Variants in METTL15 observed in about 807,000 individuals in gnomAD.
METTL15 encodes 12S rRNA N(4)-cytidine methyltransferase METTL15.
Under a neutral mutation model 38.3 loss-of-function variants are expected in METTL15, and 34 were observed. That is an observed-to-expected ratio of 0.89 (90% CI 0.68 to 1.18). The LOEUF is 1.18. Ranked by LOEUF, METTL15 falls within the 50% of genes most tolerant of loss-of-function variation. METTL15 has a pLI of 0.00. For missense variants in METTL15, 438 were observed against 498.4 expected, an observed-to-expected ratio of 0.88 and a Z score of 1.15; for synonymous variants, 162 against 170.9, an observed-to-expected ratio of 0.95 and a Z score of 0.41.
chr11:28,194,344 G>C (rs759271039), intron 3 of METTL15, among the ~76,000 whole-genome samples: 1 of 151,388 alleles, frequency 6.6e-6, no homozygotes, highest in East Asian at 1.9e-4. Flanking sequence ...GATTACAGGC[G>C]TCTGCCACCA....
intron 5 of METTL15, among the ~76,000 whole-genome samples, chr11:28,402,013 G>A (rs971712804): frequency 1.3e-5 from 2 of 151,940 alleles, no homozygotes; most frequent in African/African-American, 4.8e-5. Flanking sequence ...CAGTTCATGT[G>A]CATGAAGCCT....
chr11:28,482,431 G>A (rs547405095), intron 6 of METTL15, among the ~76,000 whole-genome samples: 3 of 152,254 alleles, frequency 2.0e-5, no homozygotes, highest in Middle Eastern at 3.4e-3. Flanking sequence ...TTCCTTGTAG[G>A]GTTCTTCTGA....
At chr11:28,401,380 AT>A (rs1009342651) in intron 5 of METTL15, among the ~76,000 whole-genome samples, 1 of 151,866 alleles carries the variant, frequency 6.6e-6, no homozygotes. Context: ...ATTACTCAGA[AT>A]TTGTTTCATC....
chr11:28,156,138 A>G (rs1300814757), intron 3 of METTL15, among the ~76,000 whole-genome samples: 2 of 152,282 alleles, frequency 1.3e-5, no homozygotes, highest in African/African-American at 2.4e-5. Flanking sequence ...AGCCTAAAAT[A>G]TACCCCAGGA....
downstream of METTL15, among the ~76,000 whole-genome samples, chr11:28,335,974 C>G (rs149438045): frequency 1.8e-3 from 274 of 152,302 alleles, no homozygotes; most frequent in African/African-American, 4.5e-3. Flanking sequence ...TAAACACTCA[C>G]TGAGTACATA....
chr11:28,152,971 C>T (rs1850143701), intron 3 of METTL15, among the ~76,000 whole-genome samples: 1 of 151,996 alleles, frequency 6.6e-6, no homozygotes, highest in African/African-American at 2.4e-5. Flanking sequence ...CATGACGTTG[C>T]CATGGCATTT....
chr11:28,218,394 T>C (rs1853011425), intron 4 of METTL15, among the ~76,000 whole-genome samples: 1 of 152,222 alleles, frequency 6.6e-6, no homozygotes, highest in Non-Finnish European at 1.5e-5. Context: ...CTTGTGATTT[T>C]TGTACATTGA....
At chr11:28,530,079 C>T (rs1037896102), downstream of METTL15, among the ~76,000 whole-genome samples, 8 of 152,086 alleles carry the variant, frequency 5.3e-5, 1 homozygote, top group African/African-American at 1.7e-4. Flanking sequence ...AGGCCAATAA[C>T]TCTACTTCTT....
intron 4 of METTL15, among the ~76,000 whole-genome samples, chr11:28,262,166 T>C (rs2133941848): frequency 6.6e-6 from 1 of 152,226 alleles, no homozygotes; most frequent in African/African-American, 2.4e-5. Context: ...CTTGACTGTT[T>C]ACTATATTGT....
chr11:28,298,952 CA>C (rs1856827277), intron 6 of METTL15, among the ~76,000 whole-genome samples: 1 of 152,044 alleles, frequency 6.6e-6, no homozygotes. Context: ...AGGAGCTAAT[CA>C]GATACAACCT....
intron 6 of METTL15, among the ~76,000 whole-genome samples, chr11:28,478,557 T>A (rs1851366921): frequency 6.6e-6 from 1 of 152,166 alleles, no homozygotes; most frequent in Non-Finnish European, 1.5e-5. Context: ...TATCTCCAAC[T>A]TTTTTATGTC....
At chr11:28,458,787 A>C (rs559442253) in intron 6 of METTL15, among the ~76,000 whole-genome samples, 16 of 152,364 alleles carry the variant, frequency 1.1e-4, no homozygotes, top group African/African-American at 3.6e-4. Context: ...GGCTACATAA[A>C]TATATTTCTC....
intron 4 of METTL15, among the ~76,000 whole-genome samples, chr11:28,275,701 TAAC>T (rs1047941549): frequency 6.6e-6 from 1 of 151,056 alleles, no homozygotes; most frequent in Non-Finnish European, 1.5e-5. Context: ...CAAAAATCCT[TAAC>T]AAAATACTAG....
chr11:28,397,613 A>C (rs551844598), intron 5 of METTL15, among the ~76,000 whole-genome samples: 8 of 152,028 alleles, frequency 5.3e-5, no homozygotes, highest in Non-Finnish European at 1.2e-4. Flanking sequence ...GGATGTGGAG[A>C]AATAGGAACA....
chr11:28,326,877 C>T (rs1438343132), intron 6 of METTL15, among the ~76,000 whole-genome samples: 1 of 152,110 alleles, frequency 6.6e-6, no homozygotes, highest in East Asian at 1.9e-4. Context: ...GCCTTAGCCT[C>T]CCAAAGTGCT....
At chr11:28,430,342 G>A (rs868737757) in intron 6 of METTL15, among the ~76,000 whole-genome samples, 21 of 54,526 alleles carry the variant, frequency 3.9e-4, no homozygotes, top group African/African-American at 5.0e-4. Context: ...TCAGCCCCCC[G>A]CCCGGCCAGC....
At chr11:28,435,409 T>C (rs1336699596) in intron 6 of METTL15, among the ~76,000 whole-genome samples, 1 of 152,196 alleles carries the variant, frequency 6.6e-6, no homozygotes, top group African/African-American at 2.4e-5. Flanking sequence ...CTGAACTCTT[T>C]CTGGGCAGAT....
At chr11:28,209,759 A>G (rs930717659) in intron 3 of METTL15, among the ~76,000 whole-genome samples, 6 of 151,974 alleles carry the variant, frequency 3.9e-5, no homozygotes, top group Non-Finnish European at 2.9e-5. Context: ...TTGCATGCCC[A>G]ATTTCTGACC....
intron 4 of METTL15, among the ~76,000 whole-genome samples, chr11:28,241,656 A>G (rs1179496844): frequency 6.6e-6 from 1 of 152,168 alleles, no homozygotes; most frequent in Non-Finnish European, 1.5e-5. Context: ...AATAAGACAT[A>G]TTGAGAAAGA....
Sources: gnomAD v4.1 joint callset for allele counts (sites outside exome capture counted in the v4.1 genomes callset) on GRCh38, gnomAD v4.1.1 for gene constraint, MANE v1.5 for transcripts, NCBI Gene and HGNC (gene_info 2026-07-23, HGNC 2026-07-21) for gene names.